The following TMEM135 variants were observed in gnomAD, a reference collection of about 807,000 sequenced individuals.
TMEM135 encodes peroxisomal membrane protein 52.
A neutral mutation model predicts 60.3 loss-of-function variants in TMEM135; 30 were observed. The observed-to-expected ratio is 0.50, with a 90% CI of 0.37 to 0.68. TMEM135 has a LOEUF of 0.68. TMEM135 is among the 30% of genes least tolerant of loss of function. The probability of loss-of-function intolerance (pLI) is 0.00; values close to 1 mark genes in which losing one functional copy is unlikely to be tolerated. For missense variants in TMEM135, 468 were observed against 548.8 expected (o/e 0.85, Z 1.47); for synonymous variants, 190 against 186.7 (o/e 1.02, Z -0.14).
chr11:87,274,986 A>C (rs1468834398), intron 6 of TMEM135, among the ~76,000 whole-genome samples: 1 of 151,516 alleles, frequency 6.6e-6, no homozygotes, highest in Admixed American at 6.6e-5. Flanking sequence ...AGAGCAAATA[A>C]ATTTTAACTT....
Position 87,155,033 on chromosome 11 carries a change from T to G in TMEM135, c.397-2308T>G, listed in dbSNP as rs780868447. Among the ~76,000 whole-genome samples the G allele has an allele frequency of 1.5e-3, 123 of 82,004 alleles. 1 individual carries two copies. The highest frequency in any genetic ancestry group is 3.1e-3 in the Admixed American group (20 of 6,550). The allele number at this position is 82,004 out of a possible 152,430, so 53.8% of individuals were successfully genotyped here. A position where few individuals can be genotyped will look rare whatever the true frequency, so the allele number is the denominator to read the frequency against. On this transcript the variant is annotated intron_variant, in intron 4 of 14. Transcript: ENST00000305494. ...TTTATTTAGAGACTGAGTTTCACTCTTGTTGCCCAGGCTGGAATGCAGTGG... is the reference window on the plus strand; with the variant it reads ...TTTATTTAGAGACTGAGTTTCACTCGTGTTGCCCAGGCTGGAATGCAGTGG...
intron 1 of TMEM135, among the ~76,000 whole-genome samples, chr11:87,055,796 G>T (rs890432113): frequency 1.3e-5 from 2 of 152,036 alleles, no homozygotes; most frequent in African/African-American, 4.8e-5. Flanking sequence ...CACCATGTTG[G>T]TCAGGCTGGT....
intron 1 of TMEM135, among the ~76,000 whole-genome samples, chr11:87,055,001 A>G (rs1003844848): frequency 1.3e-5 from 2 of 152,202 alleles, no homozygotes; most frequent in African/African-American, 4.8e-5. Context: ...ATGAGTAAGA[A>G]ATACTGGAGT....
intron 6 of TMEM135, among the ~76,000 whole-genome samples, chr11:87,289,150 G>C (rs1942219051): frequency 6.6e-6 from 1 of 152,120 alleles, no homozygotes; most frequent in African/African-American, 2.4e-5. Context: ...TTGTGTGTAT[G>C]TAATGTATTT....
intron 5 of TMEM135, among the ~76,000 whole-genome samples, chr11:87,182,918 G>C (rs1939555248): frequency 6.6e-6 from 1 of 151,736 alleles, no homozygotes; most frequent in Non-Finnish European, 1.5e-5. Context: ...TTTATCTTAG[G>C]ATCTTAGTAT....
intron 7 of TMEM135, among the ~76,000 whole-genome samples, chr11:87,299,287 C>G (rs184943117): frequency 6.6e-6 from 1 of 152,304 alleles, no homozygotes; most frequent in African/African-American, 2.4e-5. Flanking sequence ...ACAATCATGG[C>G]AGAAGGCCAA....
At chr11:87,207,222 A>G (rs1940254563) in intron 5 of TMEM135, among the ~76,000 whole-genome samples, 1 of 152,176 alleles carries the variant, frequency 6.6e-6, no homozygotes, top group African/African-American at 2.4e-5. Context: ...TTGCTTTAGG[A>G]CTTTGGGTTC....
chr11:87,232,623 T>A (rs1017701543), intron 5 of TMEM135, among the ~76,000 whole-genome samples: 3 of 152,102 alleles, frequency 2.0e-5, no homozygotes, highest in African/African-American at 7.2e-5. Context: ...CATTTTTAAG[T>A]CAAAGTGATT....
chr11:87,068,159 T>C (rs1856703415), intron 2 of TMEM135, among the ~76,000 whole-genome samples: 1 of 152,214 alleles, frequency 6.6e-6, no homozygotes. Flanking sequence ...CAACTGTCTA[T>C]GACATGGGTT....
chr11:87,244,354 T>G (rs1941207951), intron 6 of TMEM135, among the ~76,000 whole-genome samples: 1 of 74,732 alleles, frequency 1.3e-5, no homozygotes, highest in African/African-American at 5.3e-5. Context: ...ATCAGGATGA[T>G]GCTGGCCTCA....
chr11:87,279,134 T>A (rs1311395251), intron 6 of TMEM135, among the ~76,000 whole-genome samples: 1 of 152,234 alleles, frequency 6.6e-6, no homozygotes, highest in East Asian at 1.9e-4. Flanking sequence ...AGGTCATTTT[T>A]TTTTCATTTG....
chr11:87,271,837 G>A (rs1941869419), intron 6 of TMEM135, among the ~76,000 whole-genome samples: 1 of 151,962 alleles, frequency 6.6e-6, no homozygotes, highest in African/African-American at 2.4e-5. Flanking sequence ...TTTGGAGGCT[G>A]AGGTGGGAAA....
chr11:87,197,534 C>G (rs1939988693), intron 5 of TMEM135, among the ~76,000 whole-genome samples: 1 of 152,004 alleles, frequency 6.6e-6, no homozygotes, highest in South Asian at 2.1e-4. Context: ...GTGCAATTTG[C>G]TAAATTTCTT....
intron 5 of TMEM135, among the ~76,000 whole-genome samples, chr11:87,231,939 TAGAG>T (rs1940897519): frequency 6.7e-6 from 1 of 150,136 alleles, no homozygotes; most frequent in African/African-American, 2.5e-5. Context: ...AAATGAAACA[TAGAG>T]AGAAAAGAGA....
intron 5 of TMEM135, among the ~76,000 whole-genome samples, chr11:87,219,749 G>C (rs1046297475): frequency 6.6e-6 from 1 of 152,142 alleles, no homozygotes; most frequent in African/African-American, 2.4e-5. Flanking sequence ...CTGACCATAA[G>C]TTTTACATGA....
At chr11:87,079,087 C>A (rs1047247394) in intron 3 of TMEM135, among the ~76,000 whole-genome samples, 15 of 152,154 alleles carry the variant, frequency 9.9e-5, no homozygotes, top group African/African-American at 4.8e-5. Context: ...CTCACTGCAA[C>A]CTCCACCTGC....
intron 5 of TMEM135, among the ~76,000 whole-genome samples, chr11:87,201,070 A>G (rs1940084076): frequency 6.6e-6 from 1 of 152,028 alleles, no homozygotes. Context: ...TTTATTTTTT[A>G]ATCTCAATTT....
intron 4 of TMEM135, among the ~76,000 whole-genome samples, chr11:87,154,202 G>T (rs1427794963): frequency 1.3e-5 from 2 of 152,080 alleles, no homozygotes; most frequent in Non-Finnish European, 2.9e-5. Context: ...CACTACTCTA[G>T]ATACTTCATA....
chr11:87,095,589 C>T, intron 4 of TMEM135: 1 of 205,786 alleles, frequency 4.9e-6, no homozygotes, highest in Admixed American at 4.3e-5. Flanking sequence ...CTCAGATGGC[C>T]TGCCTAAGGC....
Sources: allele counts gnomAD v4.1 joint callset (sites outside exome capture counted in the v4.1 genomes callset), GRCh38; gene constraint gnomAD v4.1.1; transcripts MANE v1.5; gene names NCBI Gene and HGNC (gene_info 2026-07-23, HGNC 2026-07-21).